COL5A3: variants seen among roughly 807,000 people sequenced by gnomAD.
COL5A3 encodes the protein collagen alpha-3(V) chain.
In COL5A3, 172 loss-of-function variants were observed where a neutral mutation model predicts 250.0. The observed-to-expected ratio is 0.69, with a 90% confidence interval of 0.61 to 0.78. The LOEUF (loss-of-function observed/expected upper bound fraction) is 0.78. Among genes scored for constraint, COL5A3 ranks in the 30% least tolerant of loss-of-function variants. The pLI is 0.00. For synonymous variants in COL5A3, 937 were observed against 900.4 expected (o/e 1.04, Z -0.73); for missense variants, 2,340 against 2,334.4 (o/e 1.00, Z -0.05).
At chr19:9,970,764 T>A in intron 53 of COL5A3, 89 bp from the exon 54 acceptor site, 1 of 1,149,942 alleles carries the variant, frequency 8.7e-7, no homozygotes, top group Non-Finnish European at 1.2e-6. Context: ...AGGACACCCT[T>A]CCCCAAGCCT....
In COL5A3 at chr19:10,005,970, T is replaced by C; in HGVS notation, c.263A>G (p.Glu88Gly). ...CAAGGTGATCAGCAAGGAGAAGTTC[T>C]CAGGAAAGTGGCCTTCTGGGTGGGC... ...WELFPEGHFP[E>G]NFSLLITLRG... The change falls in exon 3 of 67, where the codon GAG (glutamate) becomes GGG (glycine). Residue 88 changes from glutamate (E) to glycine (G), a missense_variant. Physicochemically the swap from Glu to Gly is moderately conservative, Grantham distance 98. This residue lies in a region of COL5A3 where 1,152 missense variants were observed against 1,146.3 expected (regional missense o/e 1.00). Coordinates refer to ENST00000264828, the MANE Select transcript of COL5A3 (RefSeq NM_015719.4). The C allele has an allele frequency of 6.2e-7, 1 of 1,613,500 alleles. No homozygotes were observed. Among genetic ancestry groups the C allele is most frequent in the Non-Finnish European group, 8.5e-7 (1 of 1,179,558 alleles).
chr19:9,972,559 C>T (rs3745585), intron 51 of COL5A3, among the ~76,000 whole-genome samples: 23 of 152,046 alleles, frequency 1.5e-4, no homozygotes, highest in African/African-American at 4.6e-4. Context: ...GAGTTTTGGC[C>T]GAGCGCGGTG....
Position 9,993,886 on chromosome 19 carries a change from TCAA to T in COL5A3, c.1588-83_1588-81del, listed in dbSNP as rs1226678350. ...CCAAATTAGGAACCCAACTTCATCA[TCAA>T]CATCAAGATTTTTTTTTTGACAGGG... On this transcript the variant is annotated intron_variant, in intron 16 of 66. Transcript: ENST00000264828. 4 of 1,302,052 alleles carry T rather than the reference TCAA, an allele frequency of 3.1e-6. No individual in the cohort carries two copies. In the African/African-American group the frequency reaches 5.9e-5, roughly 19 times the overall value. The allele number at this position is 1,302,052 out of a possible 1,614,324, so 80.7% of individuals were successfully genotyped here. A position where few individuals can be genotyped will look rare whatever the true frequency, so the allele number is the denominator to read the frequency against.
rs763478169 is a variant in COL5A3, at chr19:9,966,642, T to C, written c.4563A>G (p.Thr1521=). Residue 1521 remains threonine (T), a synonymous_variant, in exon 63 of 67, where the codon ACA becomes ACG. Coordinates refer to ENST00000264828, the MANE Select transcript of COL5A3 (RefSeq NM_015719.4). ...GCTGCTCCAGCTCCAAGCTCAGCGA[T>C]GTGAGCGAGGCCAGCACCTCCTCCA... ...GGLEEVLASL[T]SLSLELEQLR... 1.5e-5 allele frequency: 23 copies of C among 1,538,290 alleles called. No homozygotes were observed. The highest frequency in any genetic ancestry group is 1.9e-4 in the Middle Eastern group (1 of 5,284).
chr19:9,968,675 C>T lies in COL5A3; in HGVS notation c.4206G>A (p.Lys1402=). The T allele has an allele frequency of 6.2e-7, 1 of 1,606,854 alleles. No individual in the cohort carries two copies. Among genetic ancestry groups the T allele is most frequent in the Non-Finnish European group, 8.5e-7 (1 of 1,177,276 alleles). Residue 1402 remains lysine (K), a splice_region_variant and synonymous_variant, in exon 58 of 67, where the codon AAG becomes AAA. Coordinates refer to ENST00000264828, the MANE Select transcript of COL5A3 (RefSeq NM_015719.4). The surrounding 1 kb of genome is among the most constrained non-coding windows in gnomAD (Gnocchi z 4.1). ...GAGAATAATGGAATGATGTCCTTAC[C>T]TTTTCCCCCTTGGGGCCAGTGTCTC... ...LKGDTGPKGE[K]GHIGLIGLIG...
At position 9,968,171 on chromosome 19, in the gene COL5A3, AC is replaced by A; in HGVS notation, c.4315-93del. ...AAGCCTTCAATCCTACCAAAGGAAG[AC>A]CCCGAACCCTAGACAAGCCTCCAGT... On this transcript the variant is annotated intron_variant, in intron 59 of 66. Transcript: ENST00000264828. This position sits in a 1 kb window ranked among gnomAD's most constrained non-coding sequence, Gnocchi z 4.1. 7.6e-7 allele frequency: 1 copy of A among 1,311,588 alleles called. No homozygotes were observed. Among genetic ancestry groups the A allele is most frequent in the Non-Finnish European group, 1.1e-6 (1 of 942,396 alleles). 81.2% of individuals were successfully genotyped at this position (1,311,588 alleles called of 1,614,324 possible). A position where few individuals can be genotyped will look rare whatever the true frequency, so the allele number is the denominator to read the frequency against.
In COL5A3 at chr19:9,977,691, C is replaced by G; in HGVS notation, c.3029G>C (p.Gly1010Ala). The G allele has an allele frequency of 6.3e-7, 1 of 1,588,016 alleles. No individual in the cohort carries two copies. The highest frequency in any genetic ancestry group is 1.1e-5 in the South Asian group (1 of 87,782). The change falls in exon 42 of 67, where the codon GGT (glycine) becomes GCT (alanine). Residue 1010 changes from glycine to alanine, a missense_variant. This residue lies in a region of COL5A3 where 1,179 missense variants were observed against 1,162.6 expected (regional missense o/e 1.01). Transcript: ENST00000264828. The part of the protein sequence containing the change: ...PGPVGANGSP[G>A]ERGPLGPAGG... ...TGCTGGGCCCAAAGGACCGCGCTCACCAGGGGAGCCCTGAGAACAGGGGTG... is the reference window on the plus strand; with the variant it reads ...TGCTGGGCCCAAAGGACCGCGCTCAGCAGGGGAGCCCTGAGAACAGGGGTG...
Position 9,960,268 on chromosome 19 carries a change from G to T in COL5A3, c.*143C>A. ...GCCCCCAGCACCCTGGAAAGGAGAA[G>T]GAATGACTGTCCGTGATGAGCGAAG... On this transcript the variant is annotated 3_prime_UTR_variant, in exon 67 of 67. Coordinates refer to ENST00000264828, the MANE Select transcript of COL5A3 (RefSeq NM_015719.4). The T allele has an allele frequency of 9.7e-7, 1 of 1,028,304 alleles. No individual in the cohort carries two copies. Among genetic ancestry groups the T allele is most frequent in the Non-Finnish European group, 1.4e-6 (1 of 707,750 alleles). 63.7% of individuals were successfully genotyped at this position (1,028,304 alleles called of 1,614,324 possible). A position where few individuals can be genotyped will look rare whatever the true frequency, so the allele number is the denominator to read the frequency against.
intron 41 of COL5A3, 71 bp from the exon 42 acceptor site, chr19:9,977,772 C>A: frequency 8.0e-7 from 1 of 1,242,558 alleles, no homozygotes; most frequent in Non-Finnish European, 1.1e-6. Flanking sequence ...TTTTAAGCCA[C>A]CAGGCACTGA....
chr19:9,960,992 C>T, intron 65 of COL5A3, 102 bp from the exon 66 acceptor site: 16 of 1,430,490 alleles, frequency 1.1e-5, no homozygotes, highest in Non-Finnish European at 1.5e-5. Flanking sequence ...AAGCCACCCC[C>T]CCCATGTCAC....
intron 6 of COL5A3, among the ~76,000 whole-genome samples, 180 bp from the exon 7 acceptor site, chr19:10,002,061 G>A (rs562698487): frequency 1.3e-5 from 2 of 152,326 alleles, no homozygotes; most frequent in African/African-American, 4.8e-5. Flanking sequence ...GCTGCCAGCA[G>A]AGGGAGCCAC....
chr19:9,977,333 C>T, intron 43 of COL5A3, 32 bp downstream of exon 43: 1 of 1,612,738 alleles, frequency 6.2e-7, no homozygotes, highest in Admixed American at 1.7e-5. Flanking sequence ...CCCCATCCTC[C>T]CCTGGACCCT....
At chr19:9,996,905 A>G in intron 11 of COL5A3, 1 of 566,446 alleles carries the variant, frequency 1.8e-6, no homozygotes. Flanking sequence ...AGAGAAGGGG[A>G]GAGAGGGATG....
Position 9,969,607 on chromosome 19 carries a change from G to A in COL5A3, c.4066C>T (p.Pro1356Ser). 1 of 1,606,450 alleles carries A rather than the reference G, an allele frequency of 6.2e-7. No individual in the cohort carries two copies. Among genetic ancestry groups the A allele is most frequent in the Non-Finnish European group, 8.5e-7 (1 of 1,177,938 alleles). Residue 1356 changes from proline to serine, a missense_variant, in exon 56 of 67, where the codon CCT (proline) becomes TCT (serine). By Grantham distance (74) the Pro-to-Ser change is moderately conservative. This residue lies in a region of COL5A3 where 1,179 missense variants were observed against 1,162.6 expected (regional missense o/e 1.01). Coordinates refer to ENST00000264828, the MANE Select transcript of COL5A3 (RefSeq NM_015719.4). ...GARGPPGRVG[P>S]EGLRGIPGPV... ...CCAGGGATCCCTCGAAGACCCTCAG[G>A]CCCCACACGTCCAGGGGGCCCTCTA...
rs1406616771 is a variant in COL5A3 at position 9,960,076 on chromosome 19, T to G, written c.*335A>C. Reference sequence around the variant, plus strand: ...GGAGTGAGGAGGCAGGCATTGGGGGTGGGGGGGCTTTTGTTCATCAGCTCT... The same window carrying G: ...GGAGTGAGGAGGCAGGCATTGGGGGGGGGGGGGCTTTTGTTCATCAGCTCT... On this transcript the variant is annotated 3_prime_UTR_variant, in exon 67 of 67. Coordinates refer to ENST00000264828, the MANE Select transcript of COL5A3 (RefSeq NM_015719.4). 18 of 200,566 alleles carry G rather than the reference T, an allele frequency of 9.0e-5. No homozygotes were observed. The highest frequency in any genetic ancestry group is 2.4e-4 in the African/African-American group (6 of 24,896). The allele number at this position is 200,566 out of a possible 1,614,324, so 12.4% of individuals were successfully genotyped here.
In COL5A3 at chr19:9,999,815, C is replaced by CTGCAG. The variant is rs572398139; in HGVS notation, c.1111-1671_1111-1667dup. On this transcript the variant is annotated intron_variant, in intron 8 of 66. Coordinates refer to ENST00000264828, the MANE Select transcript of COL5A3 (RefSeq NM_015719.4). ...GAAAGGTCTTGCTCTGCCACCCGGG[C>CTGCAG]TGCAGTGCAGTGGTGTGATCATGGC... 5.3e-3 allele frequency among the ~76,000 whole-genome samples: 807 copies of CTGCAG among 152,280 alleles called. 2 individuals are homozygous for CTGCAG. Among genetic ancestry groups the CTGCAG allele is most frequent in the Admixed American group, 0.011 (163 of 15,290 alleles).
intron 8 of COL5A3, among the ~76,000 whole-genome samples, chr19:10,001,152 G>T (rs563000880): frequency 1.3e-5 from 2 of 148,594 alleles, no homozygotes; most frequent in African/African-American, 4.9e-5. Context: ...AAATTGTTCG[G>T]TTTTTTTTTT....
intron 1 of COL5A3, among the ~76,000 whole-genome samples, chr19:10,008,911 G>C (rs888381721): frequency 1.3e-5 from 2 of 152,038 alleles, no homozygotes; most frequent in South Asian, 4.2e-4. Context: ...GGATGTCAGG[G>C]GCAGCATGTG....
At position 9,977,403 on chromosome 19, in the gene COL5A3, G is replaced by C; in HGVS notation, c.3196C>G (p.Pro1066Ala). 6.4e-7 allele frequency: 1 copy of C among 1,555,030 alleles called. No homozygotes were observed. The highest frequency in any genetic ancestry group is 8.7e-7 in the Non-Finnish European group (1 of 1,150,156). ...IPGPLGPLGP[P>A]GAAGPSGEEG... ...TCGCCAGAAGGCCCAGCAGCTCCAG[G>C]GGGTCCCAGAGGCCCCAGGGGCCCT... Residue 1066 changes from proline (P) to alanine (A), a missense_variant, in exon 43 of 67, where the codon CCT becomes GCT. By Grantham distance (27) the Pro-to-Ala change is conservative. This residue lies in a region of COL5A3 where 1,179 missense variants were observed against 1,162.6 expected (regional missense o/e 1.01). Transcript: ENST00000264828.
Sources: allele counts gnomAD v4.1 joint callset (sites outside exome capture counted in the v4.1 genomes callset), GRCh38; gene constraint gnomAD v4.1.1; regional missense constraint gnomAD v4.1.1; non-coding constraint Gnocchi (gnomAD v3.1); transcripts MANE v1.5; gene names NCBI Gene and HGNC (gene_info 2026-07-23, HGNC 2026-07-21).